The following ST8SIA1 variants were observed in gnomAD, a reference collection of about 807,000 sequenced individuals.
ST8SIA1 encodes alpha-N-acetylneuraminide alpha-2,8-sialyltransferase.
ST8SIA1 carries 16 observed loss-of-function variants against 35.9 expected under a neutral mutation model. That is an observed-to-expected ratio of 0.45 (90% CI 0.30 to 0.68). The LOEUF (loss-of-function observed/expected upper bound fraction) is 0.68, where lower values mean the gene tolerates loss of function less well. Among genes scored for constraint, ST8SIA1 ranks in the 30% least tolerant of loss-of-function variants. ST8SIA1 has a pLI of 0.09. For synonymous variants in ST8SIA1, 170 were observed against 169.6 expected (o/e 1.00, Z -0.02); for missense variants, 383 against 453.6 (o/e 0.84, Z 1.41).
intron 4 of ST8SIA1, among the ~76,000 whole-genome samples, chr12:22,227,895 G>A (rs987537234): frequency 2.0e-5 from 3 of 152,148 alleles, no homozygotes; most frequent in Non-Finnish European, 4.4e-5. Context: ...TACTCCAACT[G>A]ACAGGTTGTC....
intron 1 of ST8SIA1, among the ~76,000 whole-genome samples, chr12:22,306,645 A>T (rs1203584151): frequency 6.6e-6 from 1 of 152,172 alleles, no homozygotes; most frequent in Non-Finnish European, 1.5e-5. Flanking sequence ...GTAAGATGTT[A>T]ACTTAAGGAT....
At chr12:22,321,914 T>C (rs1200964451) in intron 1 of ST8SIA1, among the ~76,000 whole-genome samples, 2 of 152,198 alleles carry the variant, frequency 1.3e-5, no homozygotes, top group African/African-American at 4.8e-5. Context: ...GCAATCCCCT[T>C]CCAAGCCAGC....
At chr12:22,242,317 A>T (rs551413714) in intron 4 of ST8SIA1, among the ~76,000 whole-genome samples, 1 of 152,154 alleles carries the variant, frequency 6.6e-6, no homozygotes, top group African/African-American at 2.4e-5. Context: ...ATACTGTAAC[A>T]CTTATTTGAA....
In ST8SIA1 at chr12:22,334,312, G is replaced by T. The variant is rs1302438458; in HGVS notation, c.-80C>A. Reference sequence around the variant, plus strand: ...AAGTGGCAGCGGAGGGTCCCCCACCGCCAGCCCCCCATGCACACACACCTT... The same window carrying T: ...AAGTGGCAGCGGAGGGTCCCCCACCTCCAGCCCCCCATGCACACACACCTT... On this transcript the variant is annotated 5_prime_UTR_variant, in exon 1 of 5. Transcript: ENST00000396037. 2.7e-6 allele frequency: 3 copies of T among 1,124,270 alleles called. No individual in the cohort carries two copies. Among genetic ancestry groups the T allele is most frequent in the Admixed American group, 2.2e-5 (1 of 45,824 alleles). 69.6% of individuals were successfully genotyped at this position (1,124,270 alleles called of 1,614,324 possible).
chr12:22,256,990 T>C (rs1865735666), intron 2 of ST8SIA1, among the ~76,000 whole-genome samples: 1 of 152,188 alleles, frequency 6.6e-6, no homozygotes, highest in African/African-American at 2.4e-5. Context: ...TCCACAAGTA[T>C]TTACAAAGTG....
chr12:22,211,605 GAA>G (rs1261275534), intron 4 of ST8SIA1, among the ~76,000 whole-genome samples: 4 of 152,212 alleles, frequency 2.6e-5, no homozygotes, highest in Admixed American at 2.6e-4. Context: ...TTTAGAAGGT[GAA>G]TATATGTATG....
At chr12:22,309,528 A>C (rs1041205445) in intron 1 of ST8SIA1, among the ~76,000 whole-genome samples, 2 of 152,216 alleles carry the variant, frequency 1.3e-5, no homozygotes, top group Non-Finnish European at 2.9e-5. Flanking sequence ...GTACATGTAC[A>C]TGTTTCTCCT....
chr12:22,288,452 G>T, intron 1 of ST8SIA1, among the ~76,000 whole-genome samples: 1 of 152,172 alleles, frequency 6.6e-6, no homozygotes, highest in Admixed American at 6.5e-5. Context: ...TCAATACGTG[G>T]TAGGTGTTCT....
intron 1 of ST8SIA1, among the ~76,000 whole-genome samples, chr12:22,328,525 A>T (rs961010911): frequency 2.0e-5 from 3 of 152,200 alleles, no homozygotes; most frequent in African/African-American, 7.2e-5. Context: ...TCTCATCATT[A>T]TCCTATAAAT....
intron 1 of ST8SIA1, among the ~76,000 whole-genome samples, chr12:22,288,108 G>A (rs1866126158): frequency 6.6e-6 from 1 of 152,104 alleles, no homozygotes; most frequent in Non-Finnish European, 1.5e-5. Context: ...TTTGTTCTAT[G>A]GGGAAATCTT....
At chr12:22,291,645 T>C (rs1006491267) in intron 1 of ST8SIA1, among the ~76,000 whole-genome samples, 1 of 152,226 alleles carries the variant, frequency 6.6e-6, no homozygotes, top group African/African-American at 2.4e-5. Context: ...TTACTGTTTG[T>C]AACCAAGTAT....
At chr12:22,248,794 G>A in intron 4 of ST8SIA1, 1 of 494,250 alleles carries the variant, frequency 2.0e-6, no homozygotes, top group Non-Finnish European at 3.6e-6. Context: ...ATCTCTAAAG[G>A]CAAGAAACAG....
At chr12:22,213,499 A>G (rs1169290202) in intron 4 of ST8SIA1, among the ~76,000 whole-genome samples, 11 of 152,212 alleles carry the variant, frequency 7.2e-5, no homozygotes, top group Non-Finnish European at 1.5e-5. Flanking sequence ...ATATGCATAT[A>G]TCTGAAATGA....
At chr12:22,211,149 G>A (rs1247365690) in intron 4 of ST8SIA1, among the ~76,000 whole-genome samples, 1 of 152,170 alleles carries the variant, frequency 6.6e-6, no homozygotes, top group Non-Finnish European at 1.5e-5. Context: ...GATACAGAGG[G>A]AGAGATGCAT....
At chr12:22,271,596 G>T (rs1220713452) in intron 2 of ST8SIA1, among the ~76,000 whole-genome samples, 2 of 152,114 alleles carry the variant, frequency 1.3e-5, no homozygotes, top group Non-Finnish European at 2.9e-5. Context: ...GTTATTGAAA[G>T]AATTAAATAA....
At chr12:22,325,085 C>T (rs1477500650) in intron 1 of ST8SIA1, 1 of 195,236 alleles carries the variant, frequency 5.1e-6, no homozygotes, top group Non-Finnish European at 1.0e-5. Context: ...GGAATTTCAG[C>T]AGGCTTTTTC....
chr12:22,291,520 AGT>A (rs1866176208), intron 1 of ST8SIA1, among the ~76,000 whole-genome samples: 1 of 152,252 alleles, frequency 6.6e-6, no homozygotes, highest in South Asian at 2.1e-4. Context: ...AATCAATGCC[AGT>A]GCTGGCATCC....
chr12:22,325,522 C>T, intron 1 of ST8SIA1: 6 of 700,598 alleles, frequency 8.6e-6, no homozygotes, highest in Non-Finnish European at 1.6e-5. Context: ...TATCATTATC[C>T]AAAACAGTCA....
In ST8SIA1 at chr12:22,280,139, G is replaced by A. The variant is rs562888946; in HGVS notation, c.381+7010C>T. Among the ~76,000 whole-genome samples, 9 of 152,272 alleles carry A rather than the reference G, an allele frequency of 5.9e-5. No individual in the cohort carries two copies. In the South Asian group the frequency reaches 1.9e-3, roughly 32 times the overall value. Reference sequence around the variant, plus strand: ...TAATCAAATATGTCTATGCATTTAAGCGACTCCTAATAGAGTTTAAAAGTA... The same window carrying A: ...TAATCAAATATGTCTATGCATTTAAACGACTCCTAATAGAGTTTAAAAGTA... On this transcript the variant is annotated intron_variant, in intron 2 of 4. Coordinates refer to ENST00000396037, the MANE Select transcript of ST8SIA1 (RefSeq NM_003034.4).
Sources: gnomAD v4.1 joint callset for allele counts (sites outside exome capture counted in the v4.1 genomes callset) on GRCh38, gnomAD v4.1.1 for gene constraint, MANE v1.5 for transcripts, NCBI Gene and HGNC (gene_info 2026-07-23, HGNC 2026-07-21) for gene names.